The following RYR2 variants were observed in gnomAD, a reference collection of about 807,000 sequenced individuals.
The protein encoded by RYR2 is ryanodine receptor 2.
RYR2 carries 227 observed loss-of-function variants against 601.1 expected under a neutral mutation model. The ratio of observed to expected loss-of-function variants is 0.38; its 90% CI spans 0.34 to 0.42. The LOEUF (loss-of-function observed/expected upper bound fraction) is 0.42. Among genes scored for constraint, RYR2 ranks in the 10% least tolerant of loss-of-function variants. The pLI is 1.00. For synonymous variants in RYR2, 2,223 were observed against 2,175.1 expected, an observed-to-expected ratio of 1.02 and a Z score of -0.61; for missense variants, 4,646 against 6,156.5, an observed-to-expected ratio of 0.75 and a Z score of 8.21.
chr1:237,136,645 C>G (rs1672808609), intron 1 of RYR2, among the ~76,000 whole-genome samples: 1 of 152,142 alleles, frequency 6.6e-6, no homozygotes, highest in South Asian at 2.1e-4. Flanking sequence ...GAAGGTTTTC[C>G]TGTTCAAGCA....
At chr1:237,458,694 T>A (rs577330847) in intron 16 of RYR2, among the ~76,000 whole-genome samples, 1 of 150,846 alleles carries the variant, frequency 6.6e-6, no homozygotes, top group Admixed American at 6.6e-5. Flanking sequence ...TCTGATAAAA[T>A]AGGAAAGCAT....
At chr1:237,279,951 T>C (rs1187423696) in intron 2 of RYR2, among the ~76,000 whole-genome samples, 2 of 152,224 alleles carry the variant, frequency 1.3e-5, no homozygotes, top group African/African-American at 4.8e-5. Flanking sequence ...AACAGTATTG[T>C]TGATTTTTAT....
Position 237,806,142 on chromosome 1 carries a change from C to T in RYR2, c.14157C>T (p.Phe4719=). ...CCCCCGTTTTGTCTTAATAGTCCTT[C>T]CTCTACCTAGCCTGGTATATGACTA... ...KLGVVFTDNS[F]LYLAWYMTMS... Residue 4719 remains phenylalanine, a synonymous_variant, in exon 99 of 105, where the codon TTC becomes TTT. Coordinates refer to ENST00000366574, the MANE Select transcript of RYR2 (RefSeq NM_001035.3). 1 of 1,613,566 alleles carries T rather than the reference C, an allele frequency of 6.2e-7. No homozygotes were observed. The highest frequency in any genetic ancestry group is 1.3e-5 in the African/African-American group (1 of 75,042).
rs71162418 is a variant in RYR2 at position 237,792,398 on chromosome 1, C to CGTGTGTGT, written c.13782+94_13782+101dup. ...GTGTGTGTGCGTGTGTGTGTGTGTG[C>CGTGTGTGT]GTGTGTGTGTGTGTGTGTGTGTGTG... is the stretch of plus-strand genomic sequence containing the variant. On this transcript the variant is annotated intron_variant, in intron 94 of 104. Transcript: ENST00000366574. 1.0e-5 allele frequency: 5 copies of CGTGTGTGT among 489,872 alleles called. No individual in the cohort carries two copies. In the African/African-American group the frequency reaches 1.3e-4, roughly 13 times the overall value. The allele number at this position is 489,872 out of a possible 1,614,324, so 30.3% of individuals were successfully genotyped here.
intron 79 of RYR2, 40 bp from the exon 80 acceptor site, chr1:237,742,256 C>G: frequency 7.4e-7 from 1 of 1,347,604 alleles, no homozygotes; most frequent in Non-Finnish European, 1.0e-6. Flanking sequence ...AAAATCTCAA[C>G]ATATTCCTGT....
rs58421624 is a variant in RYR2, at chr1:237,827,936, C to CAAA, written c.14591-417_14591-415dup. Among the ~76,000 whole-genome samples the CAAA allele has an allele frequency of 7.5e-4, 52 of 69,312 alleles. 2 individuals carry two copies. The highest frequency in any genetic ancestry group is 1.1e-3 in the Non-Finnish European group (37 of 33,214). The allele number at this position is 69,312 out of a possible 152,430, so 45.5% of individuals were successfully genotyped here. On this transcript the variant is annotated intron_variant, in intron 101 of 104. Transcript: ENST00000366574. ...TGGGTGACAGAATGAGACTCCGTCT[C>CAAA]AAAAAAAAAAAAAAAAAAAAAAAAA...
intron 29 of RYR2, among the ~76,000 whole-genome samples, chr1:237,577,982 T>C (rs1161713939): frequency 6.6e-6 from 1 of 152,112 alleles, no homozygotes; most frequent in Non-Finnish European, 1.5e-5. Flanking sequence ...TTTGTATTTT[T>C]AATAGAGACG....
chr1:237,623,363 C>G (rs12405431), intron 38 of RYR2, among the ~76,000 whole-genome samples: 2 of 65,442 alleles, frequency 3.1e-5, no homozygotes, highest in Non-Finnish European at 6.1e-5. Flanking sequence ...TTCTTTGTTT[C>G]TTTCTTTCTT....
intron 16 of RYR2, among the ~76,000 whole-genome samples, chr1:237,459,762 C>T (rs1254065123): frequency 6.6e-6 from 1 of 152,132 alleles, no homozygotes; most frequent in Admixed American, 6.6e-5. Context: ...ACAAAAGTAA[C>T]ATTAATAGAC....
At chr1:237,578,724 AGTGGGG>A (rs1673549686) in intron 29 of RYR2, among the ~76,000 whole-genome samples, 1 of 75,978 alleles carries the variant, frequency 1.3e-5, no homozygotes, top group African/African-American at 5.3e-5. Flanking sequence ...AGGTGGTGGG[AGTGGGG>A]GCATGTACGC....
At chr1:237,742,584 C>T (rs1299930113) in intron 80 of RYR2, among the ~76,000 whole-genome samples, 3 of 152,112 alleles carry the variant, frequency 2.0e-5, no homozygotes, top group Non-Finnish European at 4.4e-5. Context: ...ATGAGTGTTC[C>T]TGAGAACCCT....
intron 103 of RYR2, among the ~76,000 whole-genome samples, chr1:237,830,878 C>T (rs1436269815): frequency 6.6e-6 from 1 of 152,076 alleles, no homozygotes; most frequent in Non-Finnish European, 1.5e-5. Flanking sequence ...CAGGGAGGAG[C>T]AGGGCCTCTG....
intron 89 of RYR2, 80 bp downstream of exon 89, chr1:237,781,726 G>T (rs1413715912): frequency 1.9e-5 from 13 of 674,556 alleles, no homozygotes; most frequent in Non-Finnish European, 2.7e-5. Context: ...TCAGAGTGTA[G>T]CATAGAATAA....
chr1:237,502,729 G>A (rs559238312), intron 21 of RYR2, among the ~76,000 whole-genome samples: 7 of 152,022 alleles, frequency 4.6e-5, no homozygotes, highest in South Asian at 4.1e-4. Flanking sequence ...CTAACAGGCC[G>A]CGGACTGGTA....
intron 1 of RYR2, among the ~76,000 whole-genome samples, chr1:237,219,468 C>T (rs546968107): frequency 3.2e-4 from 48 of 152,232 alleles, no homozygotes; most frequent in African/African-American, 1.1e-3. Flanking sequence ...TTTTCCAGAA[C>T]CCTCTTGCCC....
chr1:237,404,063 G>C (rs7547960), intron 10 of RYR2, among the ~76,000 whole-genome samples: 16,449 of 152,182 alleles, frequency 0.11, 1,843 homozygotes, highest in African/African-American at 0.29. Flanking sequence ...AGACCAGCCT[G>C]GGAAACATGG....
chr1:237,453,602 A>G (rs141399259), intron 14 of RYR2, among the ~76,000 whole-genome samples: 77 of 152,280 alleles, frequency 5.1e-4, no homozygotes, highest in African/African-American at 1.7e-3. Context: ...GAATATTACA[A>G]TATCAACTAC....
chr1:237,055,421 G>A (rs977797670), intron 1 of RYR2, among the ~76,000 whole-genome samples: 2 of 152,138 alleles, frequency 1.3e-5, no homozygotes, highest in Non-Finnish European at 2.9e-5. Flanking sequence ...GAGCGGGACC[G>A]GAGCTGAGAA....
chr1:237,667,560 T>C (rs1054457312), intron 57 of RYR2, among the ~76,000 whole-genome samples: 2 of 152,212 alleles, frequency 1.3e-5, no homozygotes, highest in African/African-American at 4.8e-5. Flanking sequence ...TTTTAAGGCT[T>C]TGGAAATTAA....
Sources: allele counts gnomAD v4.1 joint callset (sites outside exome capture counted in the v4.1 genomes callset), GRCh38; gene constraint gnomAD v4.1.1; transcripts MANE v1.5; gene names NCBI Gene and HGNC (gene_info 2026-07-23, HGNC 2026-07-21).